FAM13B: variants seen among roughly 807,000 people sequenced by gnomAD.
The protein encoded by FAM13B is family with sequence similarity 13 member B.
In FAM13B, 60 loss-of-function variants were observed where a neutral mutation model predicts 117.3. The ratio of observed to expected loss-of-function variants is 0.51; its 90% CI spans 0.42 to 0.63. The LOEUF is 0.63. Among genes scored for constraint, FAM13B ranks in the 30% least tolerant of loss-of-function variants. FAM13B has a pLI of 0.00. For missense variants in FAM13B, 972 were observed against 1,091.9 expected, an observed-to-expected ratio of 0.89 and a Z score of 1.55; for synonymous variants, 332 against 356.1, an observed-to-expected ratio of 0.93 and a Z score of 0.76.
chr5:137,943,259 T>A (rs1265304637), intron 20 of FAM13B, 43 bp from the exon 21 acceptor site: 3 of 1,500,416 alleles, frequency 2.0e-6, no homozygotes, highest in Non-Finnish European at 2.8e-6. Context: ...TTTTAAGTAT[T>A]CAAAGTGTCC....
In FAM13B at chr5:138,006,970, T is replaced by G; in HGVS notation, c.848+20A>C. On this transcript the variant is annotated intron_variant, in intron 7 of 23. Transcript: ENST00000689681. ...GAATGAAATACTCAAAAGCTAAAGT[T>G]CATTCAACTGAGCTATTACCTTGTT... 1.9e-6 allele frequency: 3 copies of G among 1,583,500 alleles called. No homozygotes were observed. Among genetic ancestry groups the G allele is most frequent in the Non-Finnish European group, 2.6e-6 (3 of 1,168,920 alleles).
intron 10 of FAM13B, among the ~76,000 whole-genome samples, chr5:137,975,380 A>G (rs1773617663): frequency 6.6e-6 from 1 of 152,324 alleles, no homozygotes; most frequent in Admixed American, 6.5e-5. Context: ...CTAGTTTATG[A>G]CCAGCTTTCT....
chr5:137,981,788 GAA>G (rs546850184), intron 10 of FAM13B, among the ~76,000 whole-genome samples: 1 of 140,940 alleles, frequency 7.1e-6, no homozygotes, highest in Non-Finnish European at 1.6e-5. Context: ...TCCATCTCAG[GAA>G]AAAAAAAAAA....
intron 10 of FAM13B, among the ~76,000 whole-genome samples, chr5:137,968,667 C>T (rs567429982): frequency 2.9e-4 from 44 of 152,058 alleles, no homozygotes; most frequent in Admixed American, 2.5e-3. Context: ...ACGCAAAAGA[C>T]GGGTGATTTC....
At position 137,954,269 on chromosome 5, in the gene FAM13B, G is replaced by A. The variant is rs1561742966; in HGVS notation, c.1615C>T (p.Pro539Ser). The change falls in exon 15 of 24, where the codon CCT becomes TCT. Residue 539 changes from proline (P) to serine (S), a missense_variant. Coordinates refer to ENST00000689681, the MANE Select transcript of FAM13B (RefSeq NM_001385994.1). ...AAACTGCGGTGTGATAATACTGGAG[G>A]ACAGTCCTCTTCCAAGGGGTGATGA... is the stretch of plus-strand genomic sequence containing the variant. ...MNHHPLEEDCPPVLSHRSLDF... is the reference protein window; with the variant it reads ...MNHHPLEEDCSPVLSHRSLDF... 4 of 1,613,900 alleles carry A rather than the reference G, an allele frequency of 2.5e-6. No homozygotes were observed. In the African/African-American group the frequency reaches 4.0e-5, roughly 16 times the overall value.
In FAM13B at chr5:138,006,981, A is replaced by C; in HGVS notation, c.848+9T>G. On this transcript the variant is annotated intron_variant, in intron 7 of 23. Transcript: ENST00000689681. ...TCAAAAGCTAAAGTTCATTCAACTG[A>C]GCTATTACCTTGTTGCCGTAACACT... The C allele has an allele frequency of 6.3e-7, 1 of 1,595,190 alleles. No homozygotes were observed. Among genetic ancestry groups the C allele is most frequent in the Non-Finnish European group, 8.5e-7 (1 of 1,174,474 alleles).
chr5:137,985,427 T>G, intron 9 of FAM13B, 38 bp from the exon 10 acceptor site: 1 of 1,602,584 alleles, frequency 6.2e-7, no homozygotes. Context: ...AGGCCAAATG[T>G]TGAGTGTGTA....
Position 138,018,892 on chromosome 5 carries a change from C to A in FAM13B, c.157+63G>T. 2.9e-6 allele frequency: 4 copies of A among 1,359,150 alleles called. No homozygotes were observed. In the South Asian group the frequency reaches 4.5e-5, roughly 15 times the overall value. The allele number at this position is 1,359,150 out of a possible 1,614,324, so 84.2% of individuals were successfully genotyped here. ...AAAAAAAAAATTAAAAATCCAAGGTCAAAAAGGTGTAAGTTGTGTTTATTA... is the reference window on the plus strand; with the variant it reads ...AAAAAAAAAATTAAAAATCCAAGGTAAAAAAGGTGTAAGTTGTGTTTATTA... On this transcript the variant is annotated intron_variant, in intron 3 of 23. Transcript: ENST00000689681.
intron 14 of FAM13B, among the ~76,000 whole-genome samples, chr5:137,956,232 TAA>T (rs1349954325): frequency 1.3e-5 from 2 of 152,126 alleles, no homozygotes; most frequent in Non-Finnish European, 2.9e-5. Flanking sequence ...AACCCAACAA[TAA>T]AGTGATTTTC....
chr5:137,954,143 G>T lies in FAM13B; in HGVS notation c.1718+23C>A, dbSNP rs372051995. 84 of 1,564,478 alleles carry T rather than the reference G, an allele frequency of 5.4e-5. No individual in the cohort carries two copies. In the African/African-American group the frequency reaches 6.1e-4, roughly 11 times the overall value. ...GGGTACATAATAGGAATTGCCTCTT[G>T]TAAGTACATAAAAATCATATACCTA... is the stretch of plus-strand genomic sequence containing the variant. On this transcript the variant is annotated intron_variant, in intron 15 of 23. Coordinates refer to ENST00000689681, the MANE Select transcript of FAM13B (RefSeq NM_001385994.1).
chr5:137,988,100 A>G (rs1481791860), intron 8 of FAM13B, among the ~76,000 whole-genome samples, 174 bp downstream of exon 8: 2 of 152,226 alleles, frequency 1.3e-5, no homozygotes, highest in Non-Finnish European at 2.9e-5. Flanking sequence ...TATTTTGTAT[A>G]GTAATGCAAT....
chr5:137,985,557 C>A (rs1032968191), intron 9 of FAM13B, among the ~76,000 whole-genome samples, 168 bp from the exon 10 acceptor site: 17 of 152,192 alleles, frequency 1.1e-4, no homozygotes, highest in African/African-American at 4.1e-4. Context: ...ATTATTAAAT[C>A]TGCTATGTTT....
intron 5 of FAM13B, 91 bp from the exon 6 acceptor site, chr5:138,011,240 G>A (rs1391579009): frequency 7.8e-6 from 9 of 1,157,996 alleles, no homozygotes; most frequent in Non-Finnish European, 1.1e-5. Context: ...TATGAACATG[G>A]GCAATTTATG....
intron 10 of FAM13B, among the ~76,000 whole-genome samples, chr5:137,968,021 A>G (rs559710824): frequency 6.6e-6 from 1 of 152,258 alleles, no homozygotes; most frequent in Non-Finnish European, 1.5e-5. Context: ...CAGGAGTTCG[A>G]GACCAACCTG....
In FAM13B at chr5:137,951,385, C is replaced by T. The variant is rs1017235375; in HGVS notation, c.1930+1243G>A. On this transcript the variant is annotated intron_variant, in intron 17 of 23. Coordinates refer to ENST00000689681, the MANE Select transcript of FAM13B (RefSeq NM_001385994.1). ...ACTTAACACTTTACTGGGCTGGGCACGGTGGCTCATACTTGTAATCCCCAC... is the reference window on the plus strand; with the variant it reads ...ACTTAACACTTTACTGGGCTGGGCATGGTGGCTCATACTTGTAATCCCCAC... 3.9e-5 allele frequency among the ~76,000 whole-genome samples: 6 copies of T among 152,054 alleles called. No homozygotes were observed. The East Asian group carries it at 9.7e-4, about 25-fold the overall frequency.
intron 4 of FAM13B, 133 bp downstream of exon 4, chr5:138,018,168 CA>C (rs892703074): frequency 2.5e-6 from 2 of 802,848 alleles, no homozygotes; most frequent in African/African-American, 3.5e-5. Flanking sequence ...CATACAACCC[CA>C]AAAAGCAAAT....
intron 4 of FAM13B, among the ~76,000 whole-genome samples, 168 bp from the exon 5 acceptor site, chr5:138,012,113 T>C (rs1009935281): frequency 1.3e-5 from 2 of 151,922 alleles, no homozygotes; most frequent in Non-Finnish European, 2.9e-5. Context: ...ATTTCACTTA[T>C]GAAATGGAGA....
At chr5:137,975,846 T>C (rs994994205) in intron 10 of FAM13B, among the ~76,000 whole-genome samples, 5 of 151,860 alleles carry the variant, frequency 3.3e-5, no homozygotes, top group African/African-American at 1.2e-4. Flanking sequence ...TGACATTTTT[T>C]AGTCTCTCCC....
chr5:137,979,470 T>G (rs1003627629), intron 10 of FAM13B, among the ~76,000 whole-genome samples: 2 of 152,166 alleles, frequency 1.3e-5, no homozygotes, highest in African/African-American at 4.8e-5. Context: ...TGCTTCAAAG[T>G]TTTCTATATT....
Sources: gnomAD v4.1 joint callset for allele counts (sites outside exome capture counted in the v4.1 genomes callset) on GRCh38, gnomAD v4.1.1 for gene constraint, MANE v1.5 for transcripts, NCBI Gene and HGNC (gene_info 2026-07-23, HGNC 2026-07-21) for gene names.